The following DPP6 variants were observed in gnomAD, a reference collection of about 807,000 sequenced individuals.
DPP6 encodes A-type potassium channel modulatory protein DPP6.
Under a neutral mutation model 122.6 loss-of-function variants are expected in DPP6, and 69 were observed. The ratio of observed to expected loss-of-function variants is 0.56; its 90% CI spans 0.46 to 0.69. DPP6 has a LOEUF of 0.69. Ranked by LOEUF, DPP6 falls within the 30% of genes least tolerant of loss-of-function variation. The pLI, the probability that DPP6 is intolerant of heterozygous loss-of-function variation, is 0.00. For missense variants in DPP6, 928 were observed against 1,116.9 expected, an observed-to-expected ratio of 0.83 and a Z score of 2.41; for synonymous variants, 418 against 433.1, an observed-to-expected ratio of 0.97 and a Z score of 0.43.
At chr7:154,541,203 C>T (rs1227050627) in intron 4 of DPP6, among the ~76,000 whole-genome samples, 1 of 152,102 alleles carries the variant, frequency 6.6e-6, no homozygotes, top group East Asian at 1.9e-4. Flanking sequence ...AATCATGGCT[C>T]ATTTGCAGCC....
intron 1 of DPP6, among the ~76,000 whole-genome samples, chr7:153,948,220 A>G (rs977376548): frequency 7.9e-5 from 12 of 152,352 alleles, no homozygotes; most frequent in Middle Eastern, 3.4e-3. Flanking sequence ...ATAAAGTCCA[A>G]TACTGTGGCC....
intron 16 of DPP6, among the ~76,000 whole-genome samples, chr7:154,813,877 C>CTTTTTT (rs35188883): frequency 3.7e-4 from 35 of 94,440 alleles, no homozygotes; most frequent in Non-Finnish European, 4.3e-4. Context: ...AAGCACATTT[C>CTTTTTT]TTTTTTTTTT....
At chr7:154,539,818 T>A (rs1015508196) in intron 3 of DPP6, among the ~76,000 whole-genome samples, 4 of 152,202 alleles carry the variant, frequency 2.6e-5, no homozygotes, top group Admixed American at 2.0e-4. Flanking sequence ...TTATTTTGCC[T>A]ATTTTTTTCT....
chr7:153,764,433 C>T, the DPP6 span, among the ~76,000 whole-genome samples: 1 of 152,246 alleles, frequency 6.6e-6, no homozygotes, highest in East Asian at 1.9e-4. Flanking sequence ...TTCCTCGCTC[C>T]TCCTCTGCAC....
intron 16 of DPP6, among the ~76,000 whole-genome samples, chr7:154,822,873 C>T (rs559058040): frequency 6.6e-5 from 10 of 152,354 alleles, no homozygotes; most frequent in South Asian, 4.1e-4. Context: ...TCTCCACTGG[C>T]GTGTAGTTCA....
chr7:153,907,753 C>T (rs1035376506), intron 1 of DPP6, among the ~76,000 whole-genome samples: 3 of 152,144 alleles, frequency 2.0e-5, no homozygotes, highest in Non-Finnish European at 4.4e-5. Flanking sequence ...CTCTGGGTTT[C>T]CAGCCTGCTG....
intron 7 of DPP6, among the ~76,000 whole-genome samples, chr7:154,686,627 G>A (rs1552521): frequency 0.3 from 44,904 of 151,920 alleles, 7,444 homozygotes; most frequent in Non-Finnish European, 0.38. Flanking sequence ...GGAATAAAAC[G>A]TTCCTCCTGG....
At chr7:154,451,320 A>G (rs1820348514) in intron 2 of DPP6, among the ~76,000 whole-genome samples, 2 of 146,688 alleles carry the variant, frequency 1.4e-5, no homozygotes. Context: ...AGATCGCGCC[A>G]CTGCACTCCA....
chr7:153,750,238 TGAA>T, the DPP6 span, among the ~76,000 whole-genome samples: 2 of 152,356 alleles, frequency 1.3e-5, no homozygotes, highest in Admixed American at 6.5e-5. Context: ...TATCAGATCA[TGAA>T]GAAATATTTG....
At chr7:153,952,982 A>G (rs954564048) in intron 1 of DPP6, among the ~76,000 whole-genome samples, 17 of 152,310 alleles carry the variant, frequency 1.1e-4, no homozygotes, top group Non-Finnish European at 2.2e-4. Flanking sequence ...CTTTCCTAGA[A>G]GAATTTTATG....
At position 154,001,123 on chromosome 7, in the gene DPP6, G is replaced by C. The variant is rs534699978; in HGVS notation, c.51+113389G>C. On this transcript the variant is annotated intron_variant, in intron 1 of 25. Transcript: ENST00000404039. ...CCCCTGCAGATCAGCCCAGCAGTGAGGCACAGCCTAGGGTCGGATGTCCCA... is the reference window on the plus strand; with the variant it reads ...CCCCTGCAGATCAGCCCAGCAGTGACGCACAGCCTAGGGTCGGATGTCCCA... Among the ~76,000 whole-genome samples the C allele has an allele frequency of 7.3e-3, 1,113 of 151,854 alleles. 11 individuals carry two copies. The highest frequency in any genetic ancestry group is 0.012 in the Non-Finnish European group (814 of 67,942).
intron 6 of DPP6, among the ~76,000 whole-genome samples, chr7:154,666,213 A>ACATG (rs1478380609): frequency 9.3e-5 from 14 of 150,418 alleles, no homozygotes; most frequent in African/African-American, 3.0e-4. Flanking sequence ...ACATATACAT[A>ACATG]CATACATACA....
intron 1 of DPP6, among the ~76,000 whole-genome samples, chr7:154,391,180 G>T (rs996406085): frequency 1.3e-5 from 2 of 152,196 alleles, no homozygotes; most frequent in South Asian, 2.1e-4. Context: ...TGCCACGCGT[G>T]GGGGCGGTTC....
At chr7:153,767,908 C>A in the DPP6 span, among the ~76,000 whole-genome samples, 1 of 152,194 alleles carries the variant, frequency 6.6e-6, no homozygotes, top group Non-Finnish European at 1.5e-5. Context: ...GGTGGGGCAG[C>A]ACCTGGGTGG....
chr7:154,777,959 C>T (rs1796688882), intron 10 of DPP6, among the ~76,000 whole-genome samples: 1 of 152,302 alleles, frequency 6.6e-6, no homozygotes, highest in Middle Eastern at 3.4e-3. Context: ...TGCTGTGCAG[C>T]TCCTGGCACA....
intron 1 of DPP6, among the ~76,000 whole-genome samples, chr7:154,401,545 C>A (rs1295565515): frequency 6.6e-6 from 1 of 152,148 alleles, no homozygotes; most frequent in Non-Finnish European, 1.5e-5. Flanking sequence ...AGCCAATAGT[C>A]GTCTTTAAAA....
chr7:154,702,944 C>T (rs778519782), intron 7 of DPP6, among the ~76,000 whole-genome samples: 46 of 152,228 alleles, frequency 3.0e-4, no homozygotes, highest in Admixed American at 2.9e-3. Context: ...GGCTGACTCT[C>T]TTCTTAGGGG....
chr7:153,903,998 G>A lies in DPP6; in HGVS notation c.51+16264G>A, dbSNP rs558254032. Among the ~76,000 whole-genome samples, 4 of 152,292 alleles carry A rather than the reference G, an allele frequency of 2.6e-5. No homozygotes were observed. The East Asian group carries it at 7.7e-4, about 29-fold the overall frequency. ...CCTGTATCTCTGTTGCCTAAGCAAA[G>A]GAGCAGGTGGGAAAGTATTTTGCTA... is the stretch of plus-strand genomic sequence containing the variant. On this transcript the variant is annotated intron_variant, in intron 1 of 25. Transcript: ENST00000404039.
intron 8 of DPP6, among the ~76,000 whole-genome samples, chr7:154,748,719 G>T (rs1843157979): frequency 6.6e-6 from 1 of 152,166 alleles, no homozygotes; most frequent in Non-Finnish European, 1.5e-5. Context: ...GAGGGTGTGA[G>T]CAGGGCTTCG....
Sources: allele counts gnomAD v4.1 joint callset (sites outside exome capture counted in the v4.1 genomes callset), GRCh38; gene constraint gnomAD v4.1.1; transcripts MANE v1.5; gene names NCBI Gene and HGNC (gene_info 2026-07-23, HGNC 2026-07-21).